Variants in TRMT11 observed in about 807,000 individuals in gnomAD.
TRMT11 encodes tRNA (guanine(10)-N(2))-methyltransferase TRMT11.
In TRMT11, 53 loss-of-function variants were observed where a neutral mutation model predicts 62.8. The ratio of observed to expected loss-of-function variants is 0.84; its 90% CI spans 0.68 to 1.06. TRMT11 has a LOEUF of 1.06. Ranked by LOEUF, TRMT11 falls within the 50% of genes least tolerant of loss-of-function variation. The pLI is 0.00. For synonymous variants in TRMT11, 188 were observed against 190.3 expected (o/e 0.99, Z 0.10); for missense variants, 556 against 553.4 (o/e 1.00, Z -0.05).
downstream of TRMT11, among the ~76,000 whole-genome samples, chr6:126,203,286 G>T (rs1437814348): frequency 6.6e-6 from 1 of 152,146 alleles, no homozygotes; most frequent in Non-Finnish European, 1.5e-5. Context: ...AAATTACTCA[G>T]CTGGTCTACT....
chr6:125,994,202 T>C (rs541834114), intron 2 of TRMT11, among the ~76,000 whole-genome samples: 1 of 152,352 alleles, frequency 6.6e-6, no homozygotes, highest in African/African-American at 2.4e-5. Flanking sequence ...TTATGAGCTT[T>C]GTATTTTGCA....
intron 17 of TRMT11, among the ~76,000 whole-genome samples, chr6:126,070,082 A>G (rs989840823): frequency 2.6e-5 from 4 of 152,234 alleles, no homozygotes; most frequent in Non-Finnish European, 5.9e-5. Context: ...AATAGTAGCC[A>G]TGGGCTACCT....
intron 11 of TRMT11, 119 bp from the exon 12 acceptor site, chr6:126,021,041 A>G: frequency 8.9e-7 from 1 of 1,123,402 alleles, no homozygotes; most frequent in South Asian, 1.6e-5. Flanking sequence ...GACAGTTAGC[A>G]TATGTGGGGA....
the TRMT11 span, among the ~76,000 whole-genome samples, chr6:126,264,412 A>G: frequency 1.6e-4 from 24 of 152,324 alleles, no homozygotes; most frequent in African/African-American, 4.6e-4. Flanking sequence ...ATCTCACAGC[A>G]ACTCTAAGAG....
At chr6:126,236,695 T>A in the TRMT11 span, among the ~76,000 whole-genome samples, 1 of 152,222 alleles carries the variant, frequency 6.6e-6, no homozygotes, top group Non-Finnish European at 1.5e-5. Flanking sequence ...AAGGAATATT[T>A]ATTTCCATTA....
rs115438402 is a variant in TRMT11 at position 126,069,619 on chromosome 6, T to A, written c.*1437+16429T>A. Among the ~76,000 whole-genome samples the A allele has an allele frequency of 8.8e-3, 1,336 of 152,354 alleles. 18 individuals are homozygous for A. Among genetic ancestry groups the A allele is most frequent in the African/African-American group, 0.03 (1,262 of 41,584 alleles). On this transcript the variant is annotated intron_variant and NMD_transcript_variant, in intron 17 of 22. Coordinates refer to the TRMT11 transcript ENST00000648977. Reference sequence around the variant, plus strand: ...CATCAAGCTGCGAAGCTGCGTGTTATCCTAACTCCCCTTTGTTAACAGCTT... The same window carrying A: ...CATCAAGCTGCGAAGCTGCGTGTTAACCTAACTCCCCTTTGTTAACAGCTT...
chr6:126,142,828 C>G (rs1340332188), intron 21 of TRMT11, among the ~76,000 whole-genome samples: 1 of 152,008 alleles, frequency 6.6e-6, no homozygotes, highest in Non-Finnish European at 1.5e-5. Flanking sequence ...AAATATCTGA[C>G]CTTGGTAGTT....
At chr6:126,183,905 G>A (rs376079119) in intron 1 of TRMT11, among the ~76,000 whole-genome samples, 7 of 152,134 alleles carry the variant, frequency 4.6e-5, no homozygotes, top group African/African-American at 1.7e-4. Context: ...AGTGCGAGTC[G>A]CAGCTCTAGC....
intron 16 of TRMT11, among the ~76,000 whole-genome samples, chr6:126,048,700 T>G (rs1029945040): frequency 2.0e-5 from 3 of 152,206 alleles, no homozygotes; most frequent in African/African-American, 7.2e-5. Flanking sequence ...ATGCAAAGGC[T>G]ACCATTTGGT....
the TRMT11 span, among the ~76,000 whole-genome samples, chr6:126,214,321 T>C: frequency 6.6e-6 from 1 of 152,074 alleles, no homozygotes; most frequent in Admixed American, 6.5e-5. Context: ...TATTAGTTTT[T>C]CTTTAAATAT....
chr6:126,007,060 T>C (rs563030484), intron 7 of TRMT11: 2 of 152,158 alleles, frequency 1.3e-5, no homozygotes, highest in Non-Finnish European at 2.9e-5. Flanking sequence ...TTTCTAAATA[T>C]GGAATGTTCC....
intron 1 of TRMT11, among the ~76,000 whole-genome samples, chr6:126,177,716 A>C (rs1778403455): frequency 6.6e-6 from 1 of 152,062 alleles, no homozygotes; most frequent in Non-Finnish European, 1.5e-5. Context: ...TACACAGCTG[A>C]GCTCAGAAGG....
intron 1 of TRMT11, among the ~76,000 whole-genome samples, chr6:126,196,801 G>A (rs889930619): frequency 6.6e-6 from 1 of 151,994 alleles, no homozygotes; most frequent in Non-Finnish European, 1.5e-5. Context: ...ATGACAATGG[G>A]CATAAAACTG....
In TRMT11 at chr6:125,993,822, G is replaced by T. The variant is rs138395697; in HGVS notation, c.138G>T (p.Lys46Asn). ...CCAGCAGTCAAGAAACTTATGGAAAGGTAAGTTAAATTTTCATTAGACCAT... is the reference window on the plus strand; with the variant it reads ...CCAGCAGTCAAGAAACTTATGGAAATGTAAGTTAAATTTTCATTAGACCAT... ...QFASSQETYG[K>N]SPFWILSIPS... Residue 46 changes from lysine (K) to asparagine (N), a missense_variant and splice_region_variant, in exon 2 of 13, where the codon AAG becomes AAT. Physicochemically the swap from Lys to Asn is moderately conservative, Grantham distance 94. Coordinates refer to ENST00000334379, the MANE Select transcript of TRMT11 (RefSeq NM_001031712.3). The T allele has an allele frequency of 1.2e-6, 2 of 1,602,778 alleles. No homozygotes were observed. Among genetic ancestry groups the T allele is most frequent in the African/African-American group, 2.7e-5 (2 of 74,600 alleles).
intron 7 of TRMT11, among the ~76,000 whole-genome samples, chr6:126,004,205 G>C (rs534716763): frequency 2.6e-4 from 39 of 152,028 alleles, no homozygotes; most frequent in Admixed American, 1.5e-3. Flanking sequence ...TTTTTTTGTT[G>C]AGTAGATGAG....
intron 17 of TRMT11, among the ~76,000 whole-genome samples, chr6:126,053,468 G>C (rs1262127768): frequency 6.6e-6 from 1 of 152,124 alleles, no homozygotes; most frequent in Non-Finnish European, 1.5e-5. Flanking sequence ...TATGCTTTGG[G>C]TCACTATTTC....
intron 17 of TRMT11, among the ~76,000 whole-genome samples, chr6:126,107,089 C>T (rs1777473160): frequency 6.6e-6 from 1 of 152,220 alleles, no homozygotes; most frequent in South Asian, 2.1e-4. Context: ...ATATTATTAA[C>T]AGAACCTCAC....
At chr6:125,995,476 C>G (rs920487530) in intron 2 of TRMT11, among the ~76,000 whole-genome samples, 1 of 152,150 alleles carries the variant, frequency 6.6e-6, no homozygotes, top group African/African-American at 2.4e-5. Flanking sequence ...ATAGTAAAAG[C>G]TAATGAGAAT....
intron 16 of TRMT11, among the ~76,000 whole-genome samples, chr6:126,048,553 T>G (rs570679684): frequency 6.6e-6 from 1 of 152,226 alleles, no homozygotes; most frequent in Non-Finnish European, 1.5e-5. Flanking sequence ...CATTCTCTGA[T>G]GAGACCAGCT....
Sources: allele counts gnomAD v4.1 joint callset (sites outside exome capture counted in the v4.1 genomes callset), GRCh38; gene constraint gnomAD v4.1.1; transcripts MANE v1.5; gene names NCBI Gene and HGNC (gene_info 2026-07-23, HGNC 2026-07-21).